PRKCE: variants seen among roughly 807,000 people sequenced by gnomAD.
PRKCE encodes the protein protein kinase C epsilon.
PRKCE carries 16 observed loss-of-function variants against 85.4 expected under a neutral mutation model. The observed-to-expected ratio is 0.19, with a 90% confidence interval of 0.13 to 0.28. The LOEUF (loss-of-function observed/expected upper bound fraction) is 0.28. Ranked by LOEUF, PRKCE falls within the 10% of genes least tolerant of loss-of-function variation. The pLI, the probability that PRKCE is intolerant of heterozygous loss-of-function variation, is 1.00. For missense variants in PRKCE, 573 were observed against 975.2 expected, an observed-to-expected ratio of 0.59 and a Z score of 5.49; for synonymous variants, 388 against 371.5, an observed-to-expected ratio of 1.04 and a Z score of -0.51.
intron 11 of PRKCE, among the ~76,000 whole-genome samples, chr2:46,102,832 C>G (rs1345038086): frequency 2.0e-5 from 3 of 152,158 alleles, no homozygotes; most frequent in Admixed American, 6.5e-5. Flanking sequence ...CATCAAAGGT[C>G]CATACTATCA....
intron 1 of PRKCE, among the ~76,000 whole-genome samples, chr2:45,789,111 G>C (rs1477783584): frequency 6.6e-6 from 1 of 152,108 alleles, no homozygotes; most frequent in African/African-American, 2.4e-5. Flanking sequence ...ACAGATGACA[G>C]GTTCTTGGTG....
At chr2:45,675,739 G>C (rs1359610488) in intron 1 of PRKCE, 1 of 152,228 alleles carries the variant, frequency 6.6e-6, no homozygotes, top group African/African-American at 2.4e-5. Flanking sequence ...TGCCAGAAGA[G>C]TTCAGGCCTC....
rs1705017713 is a variant in PRKCE at position 46,004,705 on chromosome 2, G to T, written c.1063+67G>T. 1.7e-5 allele frequency: 23 copies of T among 1,370,496 alleles called. No individual in the cohort carries two copies. The highest frequency in any genetic ancestry group is 2.2e-5 in the Non-Finnish European group (22 of 996,010). 84.9% of individuals were successfully genotyped at this position (1,370,496 alleles called of 1,614,324 possible). ...ATTGGATGGACCAAGGAGCTCTGAG[G>T]CCTCTTTAACCAAGAGTGAGCTTGT... On this transcript the variant is annotated intron_variant, in intron 8 of 14. Coordinates refer to ENST00000306156, the MANE Select transcript of PRKCE (RefSeq NM_005400.3). This position sits in a 1 kb window ranked among gnomAD's most constrained non-coding sequence, Gnocchi z 4.1.
At chr2:46,176,456 C>T (rs531883105) in intron 14 of PRKCE, among the ~76,000 whole-genome samples, 1 of 151,944 alleles carries the variant, frequency 6.6e-6, no homozygotes, top group Admixed American at 6.6e-5. Flanking sequence ...AAAGGCAAAC[C>T]GTCTCCCAGT....
intron 1 of PRKCE, among the ~76,000 whole-genome samples, chr2:45,698,442 G>C (rs1464556965): frequency 6.6e-6 from 1 of 152,028 alleles, no homozygotes; most frequent in Non-Finnish European, 1.5e-5. Context: ...TGGGGGTTGT[G>C]GATGGGGGTA....
chr2:45,814,812 A>G (rs1328315261), intron 1 of PRKCE, among the ~76,000 whole-genome samples: 2 of 152,018 alleles, frequency 1.3e-5, no homozygotes, highest in African/African-American at 4.8e-5. Flanking sequence ...GGGAGGAGGG[A>G]GGGGAGTTTT....
intron 3 of PRKCE, among the ~76,000 whole-genome samples, chr2:45,976,973 T>C (rs1702505305): frequency 6.7e-6 from 1 of 150,146 alleles, no homozygotes; most frequent in African/African-American, 2.4e-5. Flanking sequence ...CTCCACTCAA[T>C]GCAACCTCTG....
chr2:45,884,991 A>ATT (rs1323692604), intron 2 of PRKCE, among the ~76,000 whole-genome samples: 9 of 57,750 alleles, frequency 1.6e-4, no homozygotes, highest in East Asian at 1.4e-3. Context: ...ATATATATAT[A>ATT]TATATATATA....
At position 45,804,945 on chromosome 2, in the gene PRKCE, C is replaced by CTT. The variant is rs5830871; in HGVS notation, c.349-38039_349-38038dup. 6.4e-3 allele frequency among the ~76,000 whole-genome samples: 849 copies of CTT among 133,458 alleles called. 9 individuals are homozygous for CTT. The highest frequency in any genetic ancestry group is 8.8e-3 in the Non-Finnish European group (553 of 62,944). The allele number at this position is 133,458 out of a possible 152,430, so 87.6% of individuals were successfully genotyped here. ...GACTTTGTTCAGCTAAACTCATCAA[C>CTT]TTTTTTTTTTTTTTTTTGCATTTGC... On this transcript the variant is annotated intron_variant, in intron 1 of 14. Coordinates refer to ENST00000306156, the MANE Select transcript of PRKCE (RefSeq NM_005400.3).
chr2:46,152,649 A>G (rs947169955), intron 13 of PRKCE, among the ~76,000 whole-genome samples: 6 of 151,944 alleles, frequency 3.9e-5, no homozygotes, highest in African/African-American at 1.5e-4. Context: ...CTCGGGTTCA[A>G]GAGATTCTCC....
intron 1 of PRKCE, among the ~76,000 whole-genome samples, chr2:45,717,002 C>T (rs777053135): frequency 6.6e-6 from 1 of 151,826 alleles, no homozygotes; most frequent in Non-Finnish European, 1.5e-5. Context: ...TTACCTCCTA[C>T]TGGGTCCTTC....
chr2:46,101,152 G>A (rs1671182374), intron 11 of PRKCE, among the ~76,000 whole-genome samples: 1 of 152,190 alleles, frequency 6.6e-6, no homozygotes, highest in African/African-American at 2.4e-5. Flanking sequence ...ACAGGTGTGA[G>A]CCACCATGCC....
Position 45,742,471 on chromosome 2 carries a change from T to G in PRKCE, c.348+90023T>G, listed in dbSNP as rs576420365. On this transcript the variant is annotated intron_variant, in intron 1 of 14. Transcript: ENST00000306156. ...AAAAACTAGGCAAAAGTCTTGAATG[T>G]ACATTTTTCCAAAGAAGACAGACAT... Among the ~76,000 whole-genome samples the G allele has an allele frequency of 2.0e-5, 3 of 151,368 alleles. 1 individual carries two copies. Among genetic ancestry groups the G allele is most frequent in the South Asian group, 4.2e-4 (2 of 4,788 alleles).
At position 46,185,060 on chromosome 2, in the gene PRKCE, G is replaced by T. The variant is rs932123146; in HGVS notation, c.*179G>T. Reference sequence around the variant, plus strand: ...CCACCTCCTCCCCCTCCCACCTGGTGACCAGAAGGCGCTCTCGGTTCTTGT... The same window carrying T: ...CCACCTCCTCCCCCTCCCACCTGGTTACCAGAAGGCGCTCTCGGTTCTTGT... On this transcript the variant is annotated 3_prime_UTR_variant, in exon 15 of 15. Transcript: ENST00000306156. This position sits in a 1 kb window ranked among gnomAD's most constrained non-coding sequence, Gnocchi z 4.7. 7.6e-6 allele frequency: 6 copies of T among 784,640 alleles called. No homozygotes were observed. The highest frequency in any genetic ancestry group is 1.7e-5 in the African/African-American group (1 of 57,150). 48.6% of individuals were successfully genotyped at this position (784,640 alleles called of 1,614,324 possible). A position where few individuals can be genotyped will look rare whatever the true frequency, so the allele number is the denominator to read the frequency against.
chr2:45,785,009 G>A (rs1686484674), intron 1 of PRKCE, among the ~76,000 whole-genome samples: 1 of 152,070 alleles, frequency 6.6e-6, no homozygotes, highest in African/African-American at 2.4e-5. Flanking sequence ...TCAAATCAAA[G>A]AGAAACTCTC....
rs117032398 is a variant in PRKCE at position 46,017,535 on chromosome 2, G to T, written c.1437+7018G>T. 3.3e-4 allele frequency among the ~76,000 whole-genome samples: 50 copies of T among 152,252 alleles called. No individual in the cohort carries two copies. In the East Asian group the frequency reaches 6.0e-3, roughly 18 times the overall value. On this transcript the variant is annotated intron_variant, in intron 10 of 14. Coordinates refer to ENST00000306156, the MANE Select transcript of PRKCE (RefSeq NM_005400.3). ...ATGGTTGTCTGAATATTTCTTTGAG[G>T]CCTTACTTTCAATTCTTTTAGCTAT...
At chr2:45,735,459 G>C (rs942222996) in intron 1 of PRKCE, among the ~76,000 whole-genome samples, 1 of 152,194 alleles carries the variant, frequency 6.6e-6, no homozygotes, top group Non-Finnish European at 1.5e-5. Context: ...ATTAGCTTTG[G>C]TCACCATAGG....
chr2:45,657,021 G>A (rs1171293006), intron 1 of PRKCE, among the ~76,000 whole-genome samples: 1 of 152,238 alleles, frequency 6.6e-6, no homozygotes, highest in South Asian at 2.1e-4. Context: ...GGAGGCAGGC[G>A]GAGCAAGGAT....
intron 2 of PRKCE, among the ~76,000 whole-genome samples, chr2:45,946,500 C>G (rs1479038423): frequency 6.6e-6 from 1 of 152,192 alleles, no homozygotes; most frequent in Non-Finnish European, 1.5e-5. Context: ...ACAGAACTGT[C>G]TAATCCCAAA....
Sources: allele counts gnomAD v4.1 joint callset (sites outside exome capture counted in the v4.1 genomes callset), GRCh38; gene constraint gnomAD v4.1.1; non-coding constraint Gnocchi (gnomAD v3.1); transcripts MANE v1.5; gene names NCBI Gene and HGNC (gene_info 2026-07-23, HGNC 2026-07-21).